ZBTB20: variants seen among roughly 807,000 people sequenced by gnomAD.
The protein encoded by ZBTB20 is zinc finger and BTB domain-containing protein 20.
Under a neutral mutation model 56.9 loss-of-function variants are expected in ZBTB20, and 9 were observed. That is an observed-to-expected ratio of 0.16 (90% CI 0.10 to 0.28). The LOEUF is 0.28. ZBTB20 is among the 10% of genes least tolerant of loss of function. ZBTB20 has a pLI of 1.00. For missense variants in ZBTB20, 655 were observed against 1,003.0 expected (o/e 0.65, Z 4.69); for synonymous variants, 417 against 420.7 (o/e 0.99, Z 0.11).
chr3:114,641,852 A>G lies in ZBTB20; in HGVS notation c.-295+51676T>C, dbSNP rs547390842. Among the ~76,000 whole-genome samples the G allele has an allele frequency of 1.3e-4, 20 of 152,006 alleles. No individual in the cohort carries two copies. The South Asian group carries it at 3.9e-3, about 30-fold the overall frequency. On this transcript the variant is annotated intron_variant, in intron 6 of 11. Coordinates refer to ENST00000675478, the MANE Select transcript of ZBTB20 (RefSeq NM_001348800.3). ...ATGTAATCAAATAATTTTATTTTTT[A>G]AAAAAAGACTCTCACTGTTTTTCAT...
At chr3:114,809,851 C>T (rs2072388839) in intron 4 of ZBTB20, among the ~76,000 whole-genome samples, 1 of 152,144 alleles carries the variant, frequency 6.6e-6, no homozygotes, top group Non-Finnish European at 1.5e-5. Flanking sequence ...AGGGTTGTTG[C>T]TGTTATTGCT....
At chr3:114,727,814 A>G (rs193274356) in intron 5 of ZBTB20, among the ~76,000 whole-genome samples, 19 of 152,316 alleles carry the variant, frequency 1.2e-4, no homozygotes, top group Non-Finnish European at 7.3e-5. Flanking sequence ...CCTTAAAATA[A>G]GAAGCTATAT....
rs933953409 is a variant in ZBTB20 at position 114,404,831 on chromosome 3, C to T, written c.-254-15726G>A. 2.4e-4 allele frequency among the ~76,000 whole-genome samples: 36 copies of T among 152,172 alleles called. 1 individual carries two copies. Among genetic ancestry groups the T allele is most frequent in the Admixed American group, 1.5e-3 (23 of 15,272 alleles). On this transcript the variant is annotated intron_variant, in intron 7 of 11. Transcript: ENST00000675478. ...CCTGATTCTCTGCTGGTTTAATTCC[C>T]TTCACCTAGAATGCCCTCAGTTTGC...
At chr3:114,832,085 T>TCAC (rs2073879946) in intron 4 of ZBTB20, among the ~76,000 whole-genome samples, 1 of 152,078 alleles carries the variant, frequency 6.6e-6, no homozygotes, top group Non-Finnish European at 1.5e-5. Flanking sequence ...ACAAAAGGTG[T>TCAC]TGTGATAGCA....
At chr3:114,852,409 G>A (rs1017723348) in intron 4 of ZBTB20, among the ~76,000 whole-genome samples, 5 of 151,582 alleles carry the variant, frequency 3.3e-5, no homozygotes, top group South Asian at 2.1e-4. Flanking sequence ...GATTACAGGC[G>A]CCCACCACCA....
Position 114,985,780 on chromosome 3 carries a change from C to A in ZBTB20, c.-506-11364G>T, listed in dbSNP as rs111654919. Among the ~76,000 whole-genome samples, 637 of 152,158 alleles carry A rather than the reference C, an allele frequency of 4.2e-3. 6 individuals carry two copies. The highest frequency in any genetic ancestry group is 0.014 in the African/African-American group (595 of 41,544). ...CCTGACTATACCTAGCCTTGACAAG[C>A]GTTCTAATGCCTCTACAGGTGAAAA... On this transcript the variant is annotated intron_variant, in intron 2 of 11. Coordinates refer to ENST00000675478, the MANE Select transcript of ZBTB20 (RefSeq NM_001348800.3).
chr3:114,316,459 T>C lies in ZBTB20; in HGVS notation c.*22546A>G. 2.0e-6 allele frequency: 1 copy of C among 489,126 alleles called. No homozygotes were observed. Among genetic ancestry groups the C allele is most frequent in the Non-Finnish European group, 4.2e-6 (1 of 238,486 alleles). The allele number at this position is 489,126 out of a possible 1,614,324, so 30.3% of individuals were successfully genotyped here. A position where few individuals can be genotyped will look rare whatever the true frequency, so the allele number is the denominator to read the frequency against. On this transcript the variant is annotated 3_prime_UTR_variant, in exon 12 of 12. Transcript: ENST00000675478. The stretch of plus-strand genomic sequence containing the variant: ...TGAGCATCTGATTTTGTTATGTGCA[T>C]GTGTGTATATATGCACATATACACA...
chr3:114,696,385 G>A (rs754996066), intron 5 of ZBTB20, among the ~76,000 whole-genome samples: 2 of 151,878 alleles, frequency 1.3e-5, no homozygotes, highest in African/African-American at 2.4e-5. Context: ...ACTAATGATC[G>A]CATCCATCCT....
intron 5 of ZBTB20, among the ~76,000 whole-genome samples, chr3:114,789,339 A>G (rs2070774461): frequency 1.3e-5 from 2 of 152,220 alleles, no homozygotes; most frequent in South Asian, 4.1e-4. Flanking sequence ...GTGAAGAAGC[A>G]TGTTAAATTT....
chr3:114,533,105 C>T (rs751694707), intron 6 of ZBTB20, among the ~76,000 whole-genome samples: 1 of 152,050 alleles, frequency 6.6e-6, no homozygotes, highest in African/African-American at 2.4e-5. Flanking sequence ...CACAACTCCT[C>T]ACCAGCAAGG....
intron 2 of ZBTB20, among the ~76,000 whole-genome samples, chr3:114,985,703 C>T (rs868713195): frequency 4.6e-5 from 7 of 151,934 alleles, no homozygotes; most frequent in African/African-American, 1.7e-4. Context: ...GAGACCAAAC[C>T]CTGAATCTTT....
chr3:114,687,015 T>C (rs2062381621), intron 6 of ZBTB20, among the ~76,000 whole-genome samples: 1 of 151,834 alleles, frequency 6.6e-6, no homozygotes, highest in Non-Finnish European at 1.5e-5. Flanking sequence ...ATACGCAGAG[T>C]AATAGAACTA....
At chr3:115,088,847 T>G (rs1188350602) in intron 1 of ZBTB20, among the ~76,000 whole-genome samples, 1 of 151,836 alleles carries the variant, frequency 6.6e-6, no homozygotes, top group Admixed American at 6.6e-5. Context: ...ACAATGGATA[T>G]GCCATGAAAT....
At chr3:115,084,051 G>GT (rs1416376922) in intron 1 of ZBTB20, among the ~76,000 whole-genome samples, 1 of 151,590 alleles carries the variant, frequency 6.6e-6, no homozygotes, top group South Asian at 2.1e-4. Flanking sequence ...AGTGTTAAAA[G>GT]TTTTTTTAAT....
intron 7 of ZBTB20, among the ~76,000 whole-genome samples, chr3:114,452,391 T>C (rs1197211425): frequency 6.6e-6 from 1 of 152,212 alleles, no homozygotes; most frequent in Non-Finnish European, 1.5e-5. Flanking sequence ...TGAGTTACCC[T>C]GGAAAATTCT....
At chr3:114,406,175 C>A (rs1022240503) in intron 7 of ZBTB20, among the ~76,000 whole-genome samples, 1 of 152,132 alleles carries the variant, frequency 6.6e-6, no homozygotes, top group Non-Finnish European at 1.5e-5. Context: ...TCCAAAAGCA[C>A]ATGTAATGAA....
chr3:114,444,769 T>C (rs999375092), intron 7 of ZBTB20, among the ~76,000 whole-genome samples: 2 of 152,180 alleles, frequency 1.3e-5, no homozygotes, highest in African/African-American at 4.8e-5. Flanking sequence ...TAGATCCTTC[T>C]ATTCTTCTCT....
intron 11 of ZBTB20, among the ~76,000 whole-genome samples, chr3:114,350,060 T>C (rs2080523432): frequency 6.6e-6 from 1 of 152,102 alleles, no homozygotes; most frequent in Non-Finnish European, 1.5e-5. Context: ...CCCTTCTCCA[T>C]AAAGGGTTCC....
chr3:114,595,684 G>A (rs1242630152), intron 6 of ZBTB20, among the ~76,000 whole-genome samples: 1 of 152,206 alleles, frequency 6.6e-6, no homozygotes, highest in Non-Finnish European at 1.5e-5. Flanking sequence ...ACTGGGCAAA[G>A]TCTTGCATGC....
Sources: gnomAD v4.1 joint callset for allele counts (sites outside exome capture counted in the v4.1 genomes callset) on GRCh38, gnomAD v4.1.1 for gene constraint, MANE v1.5 for transcripts, NCBI Gene and HGNC (gene_info 2026-07-23, HGNC 2026-07-21) for gene names.